The following FREM2 variants were observed in gnomAD, a reference collection of about 807,000 sequenced individuals.
FREM2 encodes the protein FRAS1 related extracellular matrix 2, also known as FRAS1-related extracellular matrix protein 2.
FREM2 carries 119 observed loss-of-function variants against 219.9 expected under a neutral mutation model. That is an observed-to-expected ratio of 0.54 (90% CI 0.47 to 0.63). The LOEUF (loss-of-function observed/expected upper bound fraction) is 0.63, where lower values mean the gene tolerates loss of function less well. Among genes scored for constraint, FREM2 ranks in the 30% least tolerant of loss-of-function variants. FREM2 has a pLI of 0.00. For synonymous variants in FREM2, 1,562 were observed against 1,522.8 expected (o/e 1.03, Z -0.60); for missense variants, 4,030 against 3,993.6 (o/e 1.01, Z -0.25).
Position 38,691,348 on chromosome 13 carries a change from A to G in FREM2, c.4004A>G (p.Glu1335Gly), listed in dbSNP as rs148593370. ...KILMATDLDS[E>G]DKSLVYIIRY... The stretch of plus-strand genomic sequence containing the variant: ...TTAATGGCAACAGATTTAGATTCAG[A>G]AGACAAATCTTTGGTTTATATTATT... The change falls in exon 1 of 24, where the codon GAA (glutamate) becomes GGA (glycine). Residue 1335 changes from glutamate (E) to glycine (G), a missense_variant. Physicochemically the swap from Glu to Gly is moderately conservative, Grantham distance 98. Transcript: ENST00000280481. The G allele has an allele frequency of 5.0e-6, 8 of 1,613,876 alleles. No individual in the cohort carries two copies. The highest frequency in any genetic ancestry group is 6.8e-6 in the Non-Finnish European group (8 of 1,179,856).
rs1002523724 is a variant in FREM2 at position 38,697,597 on chromosome 13, A to G, written c.5174-101A>G. The G allele has an allele frequency of 4.1e-6, 3 of 738,476 alleles. No homozygotes were observed. In the African/African-American group the frequency reaches 5.2e-5, roughly 13 times the overall value. The allele number at this position is 738,476 out of a possible 1,614,324, so 45.7% of individuals were successfully genotyped here. On this transcript the variant is annotated intron_variant, in intron 1 of 23. Transcript: ENST00000280481. ...TTCTGTTAGGAGGAAAAAGGAATTT[A>G]AACATGTTTATAGGAAAACTAATAG...
rs1440618857 is a variant in FREM2, at chr13:38,690,380, C to T, written c.3036C>T (p.Gly1012=). The T allele has an allele frequency of 6.2e-7, 1 of 1,614,190 alleles. No homozygotes were observed. Among genetic ancestry groups the T allele is most frequent in the African/African-American group, 1.3e-5 (1 of 75,060 alleles). Residue 1012 remains glycine (G), a synonymous_variant, in exon 1 of 24, where the codon GGC becomes GGT. Transcript: ENST00000280481. The stretch of plus-strand genomic sequence containing the variant: ...TTACTCAAAGGGACATCTTGGAGGG[C>T]TCTGTTGTATATACCCACACCAGTG... ...EQFTQRDILE[G]SVVYTHTSGE...
At chr13:38,766,822 T>C (rs1052190431) in intron 3 of FREM2, among the ~76,000 whole-genome samples, 1 of 152,240 alleles carries the variant, frequency 6.6e-6, no homozygotes, top group Non-Finnish European at 1.5e-5. Context: ...CATTAAGCAC[T>C]TTATCTATCT....
At position 38,857,922 on chromosome 13, in the gene FREM2, T is replaced by A; in HGVS notation, c.7104T>A (p.Asp2368Glu). 1 of 1,613,718 alleles carries A rather than the reference T, an allele frequency of 6.2e-7. No individual in the cohort carries two copies. Among genetic ancestry groups the A allele is most frequent in the Non-Finnish European group, 8.5e-7 (1 of 1,179,578 alleles). The change falls in exon 13 of 24, where the codon GAT becomes GAA. Residue 2368 changes from aspartate (D) to glutamate (E), a missense_variant. Asp to Glu is a conservative substitution (Grantham distance 45). This residue lies in a region of FREM2 where 928 missense variants were observed against 1,042.9 expected (regional missense o/e 0.89). Transcript: ENST00000280481. ...TAGAAGAAATGAGCAGCATGGCAGA[T>A]GTCACTTTTCCTTCTGTCCCTCAAA... ...VYIEEMSSMA[D>E]VTFPSVPQIV...
chr13:38,794,274 G>C (rs542713436), intron 6 of FREM2, among the ~76,000 whole-genome samples: 10 of 152,166 alleles, frequency 6.6e-5, no homozygotes, highest in African/African-American at 2.4e-4. Flanking sequence ...AGAATAGTCA[G>C]TATTAAGGGT....
At position 38,881,580 on chromosome 13, in the gene FREM2, G is replaced by A. The variant is rs1878551242; in HGVS notation, c.*793G>A. The A allele has an allele frequency of 6.5e-6, 1 of 152,688 alleles. No individual in the cohort carries two copies. Among genetic ancestry groups the A allele is most frequent in the African/African-American group, 2.4e-5 (1 of 41,438 alleles). The allele number at this position is 152,688 out of a possible 1,614,324, so 9.5% of individuals were successfully genotyped here. On this transcript the variant is annotated 3_prime_UTR_variant, in exon 24 of 24. Coordinates refer to ENST00000280481, the MANE Select transcript of FREM2 (RefSeq NM_207361.6). ...CCTTATTGGTGCTCAACATTTGTGG[G>A]AAATTAGAGGGTTGGTGAGATTTTG...
At position 38,849,951 on chromosome 13, in the gene FREM2, C is replaced by G. The variant is rs149438866; in HGVS notation, c.6380-87C>G. On this transcript the variant is annotated intron_variant, in intron 8 of 23. Coordinates refer to ENST00000280481, the MANE Select transcript of FREM2 (RefSeq NM_207361.6). ...GAATCCAGTTCTTCTCACTTACTTT[C>G]CATTATTCTTTCCACTAAATCACAT... The G allele has an allele frequency of 8.3e-4, 886 of 1,065,896 alleles. 2 individuals carry two copies. In the African/African-American group the frequency reaches 0.012, roughly 15 times the overall value. 66.0% of individuals were successfully genotyped at this position (1,065,896 alleles called of 1,614,324 possible).
intron 4 of FREM2, among the ~76,000 whole-genome samples, chr13:38,781,968 T>C (rs1874135349): frequency 1.3e-5 from 2 of 152,146 alleles, no homozygotes; most frequent in Admixed American, 6.5e-5. Context: ...AATAAACGCC[T>C]GGCCCACTCT....
chr13:38,880,546 G>C lies in FREM2; in HGVS notation c.9269G>C (p.Gly3090Ala). 1.2e-6 allele frequency: 2 copies of C among 1,614,172 alleles called. No individual in the cohort carries two copies. The highest frequency in any genetic ancestry group is 1.7e-6 in the Non-Finnish European group (2 of 1,180,014). ...LDRTKRQIPHGRAPPDGILPW... is the reference protein window; with the variant it reads ...LDRTKRQIPHARAPPDGILPW... ...CGCACCAAGAGGCAGATCCCCCATG[G>C]GAGAGCACCTCCAGATGGCATCCTC... Residue 3090 changes from glycine (G) to alanine (A), a missense_variant, in exon 24 of 24, where the codon GGG becomes GCG. This residue lies in a region of FREM2 where 928 missense variants were observed against 1,042.9 expected (regional missense o/e 0.89). Transcript: ENST00000280481.
chr13:38,781,286 A>G (rs541088613), intron 4 of FREM2, among the ~76,000 whole-genome samples: 27 of 152,106 alleles, frequency 1.8e-4, no homozygotes, highest in Non-Finnish European at 1.3e-4. Flanking sequence ...CATATGGGAC[A>G]TTTTATTACT....
chr13:38,880,934 T>G lies in FREM2; in HGVS notation c.*147T>G. 1 of 979,372 alleles carries G rather than the reference T, an allele frequency of 1.0e-6. No individual in the cohort carries two copies. Among genetic ancestry groups the G allele is most frequent in the Non-Finnish European group, 1.6e-6 (1 of 640,624 alleles). 60.7% of individuals were successfully genotyped at this position (979,372 alleles called of 1,614,324 possible). A position where few individuals can be genotyped will look rare whatever the true frequency, so the allele number is the denominator to read the frequency against. ...TATGACTGTACTAATGGAGTTTGAT[T>G]TGAATTCTCCATACTCTTTTTTGCA... On this transcript the variant is annotated 3_prime_UTR_variant, in exon 24 of 24. Transcript: ENST00000280481.
intron 6 of FREM2, among the ~76,000 whole-genome samples, chr13:38,834,161 C>T (rs1251270791): frequency 2.6e-5 from 4 of 152,036 alleles, no homozygotes; most frequent in African/African-American, 9.7e-5. Context: ...AATGCTATCC[C>T]TCCCCTTGAT....
intron 16 of FREM2, among the ~76,000 whole-genome samples, chr13:38,867,642 A>T (rs746314908): frequency 1.3e-5 from 2 of 152,196 alleles, no homozygotes; most frequent in Non-Finnish European, 2.9e-5. Context: ...CAGGGAAGCC[A>T]GTGGTGTGGC....
At chr13:38,848,403 T>C in intron 7 of FREM2, 58 bp from the exon 8 acceptor site, 1 of 1,155,238 alleles carries the variant, frequency 8.7e-7, no homozygotes, top group Non-Finnish European at 1.3e-6. Flanking sequence ...ATTTATGTCT[T>C]ATAATTTTTT....
chr13:38,866,740 T>G (rs1877983323), intron 16 of FREM2, among the ~76,000 whole-genome samples: 1 of 152,164 alleles, frequency 6.6e-6, no homozygotes, highest in Admixed American at 6.5e-5. Context: ...TAGTCTGTTT[T>G]TACCCTTAAG....
intron 11 of FREM2, among the ~76,000 whole-genome samples, chr13:38,855,216 G>A (rs1451603797): frequency 6.6e-6 from 1 of 151,296 alleles, no homozygotes; most frequent in Non-Finnish European, 1.5e-5. Context: ...CAGGGTGAAG[G>A]GAAAAAAATC....
chr13:38,696,338 T>C (rs1457502138), intron 1 of FREM2, among the ~76,000 whole-genome samples: 1 of 152,218 alleles, frequency 6.6e-6, no homozygotes, highest in Non-Finnish European at 1.5e-5. Flanking sequence ...AGTGGAGCTA[T>C]AGAAATTTGT....
chr13:38,767,281 A>G (rs1258428871), intron 3 of FREM2, among the ~76,000 whole-genome samples: 2 of 152,216 alleles, frequency 1.3e-5, no homozygotes, highest in Non-Finnish European at 2.9e-5. Flanking sequence ...AAAAGATCCA[A>G]TTGCAGTTTC....
chr13:38,698,616 C>T (rs1870212364), intron 2 of FREM2, among the ~76,000 whole-genome samples: 1 of 152,024 alleles, frequency 6.6e-6, no homozygotes, highest in African/African-American at 2.4e-5. Flanking sequence ...GAACAGGACA[C>T]CAGAACTGAG....
Sources: allele counts gnomAD v4.1 joint callset (sites outside exome capture counted in the v4.1 genomes callset), GRCh38; gene constraint gnomAD v4.1.1; regional missense constraint gnomAD v4.1.1; transcripts MANE v1.5; gene names NCBI Gene and HGNC (gene_info 2026-07-23, HGNC 2026-07-21).